Variants in GPM6B observed in about 807,000 individuals in gnomAD.
GPM6B encodes the protein neuronal membrane glycoprotein M6-b.
Under a neutral mutation model 27.2 loss-of-function variants are expected in GPM6B, and 4 were observed. The ratio of observed to expected loss-of-function variants is 0.15; its 90% confidence interval spans 0.07 to 0.34. GPM6B has a LOEUF of 0.34. Ranked by LOEUF, GPM6B falls within the 10% of genes least tolerant of loss-of-function variation. The probability of loss-of-function intolerance (pLI) is 1.00; values close to 1 mark genes in which losing one functional copy is unlikely to be tolerated. For missense variants in GPM6B, 183 were observed against 261.9 expected, an observed-to-expected ratio of 0.70 and a Z score of 2.08; for synonymous variants, 124 against 103.1, an observed-to-expected ratio of 1.20 and a Z score of -1.23.
chrX:13,896,936 A>C (rs186516033), intron 1 of GPM6B, among the ~76,000 whole-genome samples: 6 of 111,753 alleles, frequency 5.4e-5, no homozygotes, highest in Admixed American at 3.8e-4. Flanking sequence ...GGTAATCTAG[A>C]GTTTTAAAAA....
chrX:13,836,935 A>G (rs1259724773), intron 1 of GPM6B, among the ~76,000 whole-genome samples: 2 of 112,684 alleles, frequency 1.8e-5, no homozygotes, highest in Non-Finnish European at 3.7e-5. Flanking sequence ...TTCCTGCAAA[A>G]AAAATCAACC....
intron 1 of GPM6B, among the ~76,000 whole-genome samples, chrX:13,930,356 T>C (rs1458808730): frequency 8.9e-6 from 1 of 111,745 alleles, no homozygotes; most frequent in Non-Finnish European, 1.9e-5. Flanking sequence ...GGCTCACACC[T>C]ATAATCCCAG....
At chrX:13,859,846 G>A (rs973246459) in intron 1 of GPM6B, among the ~76,000 whole-genome samples, 2 of 111,578 alleles carry the variant, frequency 1.8e-5, no homozygotes, top group African/African-American at 3.3e-5. Flanking sequence ...TCCCCCACAC[G>A]ATCCTACCAC....
At chrX:13,887,830 T>C (rs1180986688) in intron 1 of GPM6B, among the ~76,000 whole-genome samples, 1 of 111,696 alleles carries the variant, frequency 9.0e-6, no homozygotes, top group Non-Finnish European at 1.9e-5. Context: ...CAGAGAGCAG[T>C]CGCTTGCAAA....
At chrX:13,827,671 G>A (rs866310557) in intron 1 of GPM6B, among the ~76,000 whole-genome samples, 1 of 112,182 alleles carries the variant, frequency 8.9e-6, no homozygotes, top group Admixed American at 9.4e-5. Context: ...CCTTCAGCCT[G>A]CTTTGCTAAA....
chrX:13,818,732 T>G (rs1374101260), upstream of GPM6B, among the ~76,000 whole-genome samples: 2 of 112,474 alleles, frequency 1.8e-5, no homozygotes, highest in East Asian at 5.5e-4. Context: ...ATATAATTAT[T>G]TCCATGGGAA....
At chrX:13,817,862 A>G (rs1386528128), upstream of GPM6B, among the ~76,000 whole-genome samples, 1 of 112,400 alleles carries the variant, frequency 8.9e-6, no homozygotes, top group Non-Finnish European at 1.9e-5. Flanking sequence ...AAAAATAAGC[A>G]TAACATGTTC....
At chrX:13,928,323 C>T (rs1337062132) in intron 1 of GPM6B, among the ~76,000 whole-genome samples, 5 of 112,427 alleles carry the variant, frequency 4.4e-5, no homozygotes, top group Non-Finnish European at 9.4e-5. Context: ...TTTTCGTGTA[C>T]ACATATTATA....
At position 13,806,576 on chromosome X, in the gene GPM6B, T is replaced by G. The variant is rs748546226; in HGVS notation, c.181+1074A>C. ...AGGAATGCATAACCCAAGACAGAAC[T>G]AAATCCAACGTCAGATTTCATTTTA... is the stretch of plus-strand genomic sequence containing the variant. On this transcript the variant is annotated intron_variant, in intron 2 of 7. Coordinates refer to ENST00000316715, the MANE Select transcript of GPM6B (RefSeq NM_001001995.3). Among the ~76,000 whole-genome samples, 4 of 111,986 alleles carry G rather than the reference T, an allele frequency of 3.6e-5. No homozygotes were observed. The South Asian group carries it at 1.5e-3, about 42-fold the overall frequency.
chrX:13,791,456 G>A (rs1602999482), intron 2 of GPM6B, among the ~76,000 whole-genome samples: 1 of 111,716 alleles, frequency 9.0e-6, no homozygotes. Flanking sequence ...CATTTTACTA[G>A]TAATTCTCAA....
intron 1 of GPM6B, among the ~76,000 whole-genome samples, chrX:13,913,650 T>C (rs2050400470): frequency 8.9e-6 from 1 of 112,372 alleles, no homozygotes. Flanking sequence ...TATCTTCTTG[T>C]TCTGTCTTGT....
Position 13,771,146 on chromosome X carries a change from T to G in GPM6B, c.*1735A>C, listed in dbSNP as rs1418225028. 8.9e-6 allele frequency: 1 copy of G among 112,270 alleles called. No individual in the cohort carries two copies. The highest frequency in any genetic ancestry group is 1.9e-5 in the Non-Finnish European group (1 of 53,155). The allele number at this position is 112,270 out of a possible 1,213,427, so 9.3% of individuals were successfully genotyped here. A position where few individuals can be genotyped will look rare whatever the true frequency, so the allele number is the denominator to read the frequency against. Reference sequence around the variant, plus strand: ...TACAAAAATTTATACATAGCAAAATTTAATGCTCTTTACATAAAAAATATT... The same window carrying G: ...TACAAAAATTTATACATAGCAAAATGTAATGCTCTTTACATAAAAAATATT... On this transcript the variant is annotated 3_prime_UTR_variant, in exon 8 of 8. Transcript: ENST00000316715.
At chrX:13,842,637 G>A (rs985051330) in intron 1 of GPM6B, among the ~76,000 whole-genome samples, 2 of 111,294 alleles carry the variant, frequency 1.8e-5, no homozygotes, top group Admixed American at 1.9e-4. Flanking sequence ...TTAGTGCTCT[G>A]GGAGGCTGAG....
In GPM6B at chrX:13,877,824, CAAAAAA is replaced by C. The variant is rs761891419; in HGVS notation, c.-198+60497_-198+60502del. ...CCTGGGCATTAGAGCCAGACTCTGC[CAAAAAA>C]AAAAAAAAAAAAAAAAAAAAATTCA... On this transcript the variant is annotated intron_variant, in intron 1 of 6. Coordinates refer to the GPM6B transcript ENST00000398361. Among the ~76,000 whole-genome samples, 79 of 27,464 alleles carry C rather than the reference CAAAAAA, an allele frequency of 2.9e-3. 1 individual carries two copies. Among genetic ancestry groups the C allele is most frequent in the African/African-American group, 0.012 (63 of 5,453 alleles). 23.8% of individuals were successfully genotyped at this position (27,464 alleles called of 115,157 possible). A position where few individuals can be genotyped will look rare whatever the true frequency, so the allele number is the denominator to read the frequency against.
intron 1 of GPM6B, among the ~76,000 whole-genome samples, chrX:13,815,226 C>T (rs754504859): frequency 9.0e-6 from 1 of 111,698 alleles, no homozygotes; most frequent in African/African-American, 3.3e-5. Context: ...TTTTATCTGC[C>T]ATGGTTGAAT....
At chrX:13,888,737 AT>A (rs1269283374) in intron 1 of GPM6B, among the ~76,000 whole-genome samples, 1 of 111,471 alleles carries the variant, frequency 9.0e-6, no homozygotes, top group African/African-American at 3.3e-5. Flanking sequence ...TAGAAAAAAA[AT>A]GTTTTTTTGC....
rs1209515201 is a variant in GPM6B, at chrX:13,771,327, A to G, written c.*1554T>C. The G allele has an allele frequency of 9.0e-6, 1 of 111,257 alleles. No individual in the cohort carries two copies. The highest frequency in any genetic ancestry group is 1.9e-5 in the Non-Finnish European group (1 of 52,867). 9.2% of individuals were successfully genotyped at this position (111,257 alleles called of 1,213,427 possible). A position where few individuals can be genotyped will look rare whatever the true frequency, so the allele number is the denominator to read the frequency against. On this transcript the variant is annotated 3_prime_UTR_variant, in exon 8 of 8. Transcript: ENST00000316715. ...AGTTAAATCTGTCATGCAACAGGAAAACAAAACACTAAGCTATTTTGGAAC... is the reference window on the plus strand; with the variant it reads ...AGTTAAATCTGTCATGCAACAGGAAGACAAAACACTAAGCTATTTTGGAAC...
chrX:13,887,038 C>T (rs1353474077), intron 1 of GPM6B, among the ~76,000 whole-genome samples: 3 of 111,756 alleles, frequency 2.7e-5, no homozygotes, highest in African/African-American at 6.5e-5. Flanking sequence ...AGGCTAGTCT[C>T]GAATTCCTGA....
rs1284042532 is a variant in GPM6B at position 13,779,994 on chromosome X, G to GC, written c.526-6dup. The GC allele has an allele frequency of 8.5e-7, 1 of 1,171,177 alleles. No homozygotes were observed. The highest frequency in any genetic ancestry group is 1.7e-5 in the African/African-American group (1 of 57,264). ...CACATAGGTGAGGAAAACGAACTAG[G>GC]CCAAAACAAGAGGAAGGACAATCAT... On this transcript the variant is annotated splice_region_variant and splice_polypyrimidine_tract_variant and intron_variant, in intron 4 of 7. Transcript: ENST00000316715.
Sources: gnomAD v4.1 joint callset for allele counts (sites outside exome capture counted in the v4.1 genomes callset) on GRCh38, gnomAD v4.1.1 for gene constraint, MANE v1.5 for transcripts, NCBI Gene and HGNC (gene_info 2026-07-23, HGNC 2026-07-21) for gene names.